ABCA3: variants seen among roughly 807,000 people sequenced by gnomAD.
ABCA3 encodes the protein phospholipid-transporting ATPase ABCA3.
ABCA3 carries 88 observed loss-of-function variants against 172.8 expected under a neutral mutation model. That is an observed-to-expected ratio of 0.51 (90% CI 0.43 to 0.61). The LOEUF is 0.61. ABCA3 is among the 20% of genes least tolerant of loss of function. The pLI, the probability that ABCA3 is intolerant of heterozygous loss-of-function variation, is 0.00. For synonymous variants in ABCA3, 1,066 were observed against 983.8 expected, an observed-to-expected ratio of 1.08 and a Z score of -1.56; for missense variants, 2,164 against 2,301.0, an observed-to-expected ratio of 0.94 and a Z score of 1.22.
chr16:2,301,005 C>A lies in ABCA3; in HGVS notation c.1468-857G>T, dbSNP rs6422254. ...CAGCACTTTGGGAGGCCGAGGCGGG[C>A]GGATCATGAGGTCAGGAGATCGAGA... On this transcript the variant is annotated intron_variant, in intron 12 of 32. Transcript: ENST00000301732. 5.3e-5 allele frequency among the ~76,000 whole-genome samples: 8 copies of A among 150,690 alleles called. 1 individual carries two copies. The highest frequency in any genetic ancestry group is 1.5e-4 in the African/African-American group (6 of 40,650).
chr16:2,281,625 T>G lies in ABCA3; in HGVS notation c.4036-116A>C. The G allele has an allele frequency of 7.6e-7, 1 of 1,320,212 alleles. No homozygotes were observed. The highest frequency in any genetic ancestry group is 1.1e-6 in the Non-Finnish European group (1 of 938,954). 81.8% of individuals were successfully genotyped at this position (1,320,212 alleles called of 1,614,324 possible). On this transcript the variant is annotated intron_variant, in intron 26 of 32. Coordinates refer to ENST00000301732, the MANE Select transcript of ABCA3 (RefSeq NM_001089.3). This position sits in a 1 kb window ranked among gnomAD's most constrained non-coding sequence, Gnocchi z 4.7. ...CTGGTGGGACTAAGGCCTTCAAGGC[T>G]TCTCGTCCCAATCTCAGGCCCCACA...
At chr16:2,332,853 T>C in intron 1 of ABCA3, 1 of 558,500 alleles carries the variant, frequency 1.8e-6, no homozygotes, top group Non-Finnish European at 3.2e-6. Flanking sequence ...GTCACCCAGG[T>C]TGGAGTGCCG....
rs541691609 is a variant in ABCA3 at position 2,320,903 on chromosome 16, T to C, written c.614-1063A>G. Reference sequence around the variant, plus strand: ...TTGCTGAGGACTAACCGACTATTCTTAATAACAAAACTTTTTTTCTCTAAC... The same window carrying C: ...TTGCTGAGGACTAACCGACTATTCTCAATAACAAAACTTTTTTTCTCTAAC... On this transcript the variant is annotated intron_variant, in intron 7 of 32. Coordinates refer to ENST00000301732, the MANE Select transcript of ABCA3 (RefSeq NM_001089.3). 5.9e-5 allele frequency among the ~76,000 whole-genome samples: 9 copies of C among 152,038 alleles called. No individual in the cohort carries two copies. The South Asian group carries it at 1.9e-3, about 32-fold the overall frequency.
intron 8 of ABCA3, among the ~76,000 whole-genome samples, chr16:2,318,485 C>G (rs1189659115): frequency 6.6e-6 from 1 of 151,886 alleles, no homozygotes; most frequent in African/African-American, 2.4e-5. Context: ...AAAAATTCAG[C>G]TCCTCATTTC....
rs1340491175 is a variant in ABCA3, at chr16:2,277,241, A to G, written c.4983+356T>C. Among the ~76,000 whole-genome samples, 1 of 151,994 alleles carries G rather than the reference A, an allele frequency of 6.6e-6. No individual in the cohort carries two copies. The highest frequency in any genetic ancestry group is 1.5e-5 in the Non-Finnish European group (1 of 67,970). ...CTCCCGAGTGGCTGGGACTACAGGT[A>G]TGCATGATACCTGGCTAATTTTTAA... On this transcript the variant is annotated intron_variant, in intron 32 of 32. Transcript: ENST00000301732. The surrounding 1 kb of genome is among the most constrained non-coding windows in gnomAD (Gnocchi z 5.3).
At position 2,326,410 on chromosome 16, in the gene ABCA3, C is replaced by T. The variant is rs1304392898; in HGVS notation, c.54+3G>A. On this transcript the variant is annotated splice_donor_region_variant and intron_variant, in intron 4 of 32. Transcript: ENST00000301732. ...CTGACCTCCCTCCAGAGTCTGGACG[C>T]ACCTGCAGGGTGTAGTTCTTCCAGA... The T allele has an allele frequency of 6.2e-7, 1 of 1,612,812 alleles. No individual in the cohort carries two copies. Among genetic ancestry groups the T allele is most frequent in the East Asian group, 2.2e-5 (1 of 44,892 alleles).
At position 2,289,707 on chromosome 16, in the gene ABCA3, C is replaced by T. The variant is rs551779666; in HGVS notation, c.2514-87G>A. 6 of 1,430,282 alleles carry T rather than the reference C, an allele frequency of 4.2e-6. No individual in the cohort carries two copies. The East Asian group carries it at 1.3e-4, about 30-fold the overall frequency. The allele number at this position is 1,430,282 out of a possible 1,614,324, so 88.6% of individuals were successfully genotyped here. On this transcript the variant is annotated intron_variant, in intron 19 of 32. Coordinates refer to ENST00000301732, the MANE Select transcript of ABCA3 (RefSeq NM_001089.3). The stretch of plus-strand genomic sequence containing the variant: ...CTATGGTTAGAGGCACTGAGGGGAG[C>T]AGTGTTGCCGCAGTCCTTGGCTTGC...
At chr16:2,333,904 G>C (rs983944384) in intron 1 of ABCA3, among the ~76,000 whole-genome samples, 1 of 152,014 alleles carries the variant, frequency 6.6e-6, no homozygotes, top group Non-Finnish European at 1.5e-5. Flanking sequence ...TGGCCAGGCT[G>C]GTCTCAAACT....
chr16:2,290,175 C>A (rs2093669885), intron 19 of ABCA3, among the ~76,000 whole-genome samples: 1 of 152,156 alleles, frequency 6.6e-6, no homozygotes, highest in Non-Finnish European at 1.5e-5. Context: ...AGTACCTGCT[C>A]CTCTGGCCCT....
chr16:2,332,736 C>T, intron 1 of ABCA3: 1 of 1,151,240 alleles, frequency 8.7e-7, no homozygotes, highest in Non-Finnish European at 1.3e-6. Context: ...CCGATTGCCT[C>T]CTCCATTTCT....
At position 2,301,123 on chromosome 16, in the gene ABCA3, C is replaced by T. The variant is rs557526260; in HGVS notation, c.1468-975G>A. Among the ~76,000 whole-genome samples, 17 of 150,852 alleles carry T rather than the reference C, an allele frequency of 1.1e-4. No homozygotes were observed. In the South Asian group the frequency reaches 2.5e-3, roughly 22 times the overall value. ...GTGGGCGCCTATAGTCCCAGCTACT[C>T]GGGAGGCTGAGGCAGGAGAATGGCG... is the stretch of plus-strand genomic sequence containing the variant. On this transcript the variant is annotated intron_variant, in intron 12 of 32. Transcript: ENST00000301732.
intron 7 of ABCA3, among the ~76,000 whole-genome samples, chr16:2,321,123 A>C (rs1185515296): frequency 6.6e-6 from 1 of 152,134 alleles, no homozygotes; most frequent in Non-Finnish European, 1.5e-5. Context: ...ATTGTTCCCC[A>C]AAAACAGGAG....
rs2093662234 is a variant in ABCA3, at chr16:2,285,798, C to T, written c.3279-152G>A. The T allele has an allele frequency of 2.6e-6, 2 of 756,806 alleles. No homozygotes were observed. The highest frequency in any genetic ancestry group is 2.7e-5 in the East Asian group (1 of 37,308). The allele number at this position is 756,806 out of a possible 1,614,324, so 46.9% of individuals were successfully genotyped here. A position where few individuals can be genotyped will look rare whatever the true frequency, so the allele number is the denominator to read the frequency against. ...AGAGCACAAGCACCATGGTTCCATACCGGGAACATCTGCCCCCACCGGAGA... is the reference window on the plus strand; with the variant it reads ...AGAGCACAAGCACCATGGTTCCATATCGGGAACATCTGCCCCCACCGGAGA... On this transcript the variant is annotated intron_variant, in intron 22 of 32. Coordinates refer to ENST00000301732, the MANE Select transcript of ABCA3 (RefSeq NM_001089.3). The surrounding 1 kb of genome is among the most constrained non-coding windows in gnomAD (Gnocchi z 4.7).
chr16:2,331,464 G>A (rs2093743092), intron 1 of ABCA3, among the ~76,000 whole-genome samples: 1 of 152,208 alleles, frequency 6.6e-6, no homozygotes, highest in South Asian at 2.1e-4. Flanking sequence ...CTCCCAAAGT[G>A]TGGGGATTAC....
At chr16:2,292,738 G>A (rs1596839416) in intron 18 of ABCA3, among the ~76,000 whole-genome samples, 2 of 152,062 alleles carry the variant, frequency 1.3e-5, no homozygotes, top group African/African-American at 4.8e-5. Flanking sequence ...TGAGCAACAC[G>A]GTGAAACTCT....
In ABCA3 at chr16:2,278,572, A is replaced by C. The variant is rs2093650278; in HGVS notation, c.4548-114T>G. 4 of 1,354,396 alleles carry C rather than the reference A, an allele frequency of 3.0e-6. No individual in the cohort carries two copies. The African/African-American group carries it at 5.7e-5, about 19-fold the overall frequency. 83.9% of individuals were successfully genotyped at this position (1,354,396 alleles called of 1,614,324 possible). A position where few individuals can be genotyped will look rare whatever the true frequency, so the allele number is the denominator to read the frequency against. Reference sequence around the variant, plus strand: ...GGCCCACACCCAGCAATTGCAGAACAGCCCTAGTGAAGAGGAAGGAGCTGT... The same window carrying C: ...GGCCCACACCCAGCAATTGCAGAACCGCCCTAGTGAAGAGGAAGGAGCTGT... On this transcript the variant is annotated intron_variant, in intron 29 of 32. Transcript: ENST00000301732. The surrounding 1 kb of genome is among the most constrained non-coding windows in gnomAD (Gnocchi z 4.4).
chr16:2,299,340 G>A (rs2093685203), intron 14 of ABCA3, 63 bp downstream of exon 14: 43 of 1,603,936 alleles, frequency 2.7e-5, no homozygotes, highest in Non-Finnish European at 3.7e-5. Flanking sequence ...GGCGGGGCTG[G>A]CGCTGAGATG....
intron 11 of ABCA3, among the ~76,000 whole-genome samples, chr16:2,307,869 T>A (rs1180106440): frequency 1.3e-5 from 2 of 152,020 alleles, no homozygotes; most frequent in African/African-American, 4.8e-5. Context: ...CCTCCCAAAG[T>A]GCTGGGATTA....
chr16:2,311,490 A>G (rs145587741), intron 10 of ABCA3, among the ~76,000 whole-genome samples: 2 of 152,202 alleles, frequency 1.3e-5, no homozygotes, highest in African/African-American at 2.4e-5. Flanking sequence ...GCTCTGTTAC[A>G]TTAACATCCA....
Sources: gnomAD v4.1 joint callset for allele counts (sites outside exome capture counted in the v4.1 genomes callset) on GRCh38, gnomAD v4.1.1 for gene constraint, Gnocchi (gnomAD v3.1) non-coding constraint, MANE v1.5 for transcripts, NCBI Gene and HGNC (gene_info 2026-07-23, HGNC 2026-07-21) for gene names.